IMMP2L: variants seen among roughly 807,000 people sequenced by gnomAD.
IMMP2L encodes inner mitochondrial membrane peptidase subunit 2.
Under a neutral mutation model 19.3 loss-of-function variants are expected in IMMP2L, and 18 were observed. That is an observed-to-expected ratio of 0.93 (90% confidence interval 0.64 to 1.38). The LOEUF is 1.38. IMMP2L is among the 40% of genes most tolerant of loss of function. The probability of loss-of-function intolerance (pLI) is 0.00; values close to 1 mark genes in which losing one functional copy is unlikely to be tolerated. For missense variants in IMMP2L, 233 were observed against 218.2 expected, an observed-to-expected ratio of 1.07 and a Z score of -0.43; for synonymous variants, 76 against 73.0, an observed-to-expected ratio of 1.04 and a Z score of -0.21.
chr7:111,229,300 G>A (rs1813463361), intron 3 of IMMP2L, among the ~76,000 whole-genome samples: 1 of 151,706 alleles, frequency 6.6e-6, no homozygotes, highest in Admixed American at 6.6e-5. Context: ...AATGTATCCT[G>A]ACCATGAAAC....
At chr7:110,981,603 G>C (rs1450644616) in intron 3 of IMMP2L, among the ~76,000 whole-genome samples, 2 of 151,338 alleles carry the variant, frequency 1.3e-5, no homozygotes, top group African/African-American at 4.8e-5. Flanking sequence ...AGTAGTGTTT[G>C]AGAGTTGAAG....
chr7:111,354,250 C>T (rs372066910), intron 3 of IMMP2L, among the ~76,000 whole-genome samples: 1 of 151,816 alleles, frequency 6.6e-6, no homozygotes, highest in East Asian at 1.9e-4. Flanking sequence ...GAATGTAAGA[C>T]AGGTAAATTT....
intron 3 of IMMP2L, chr7:111,122,992 C>G (rs746291660): frequency 6.2e-7 from 1 of 1,613,964 alleles, no homozygotes; most frequent in Non-Finnish European, 8.5e-7. Context: ...CACACAGATT[C>G]TTCTCCTACA....
chr7:111,415,109 C>G (rs187370022), intron 3 of IMMP2L, among the ~76,000 whole-genome samples: 1 of 151,948 alleles, frequency 6.6e-6, no homozygotes, highest in Non-Finnish European at 1.5e-5. Flanking sequence ...AGTGGGTCCT[C>G]CTTGAAGGAT....
chr7:110,744,192 C>G (rs1797174125), intron 5 of IMMP2L, among the ~76,000 whole-genome samples: 1 of 152,108 alleles, frequency 6.6e-6, no homozygotes, highest in Non-Finnish European at 1.5e-5. Context: ...GCTGCTGCAG[C>G]CAGACTGTCT....
chr7:110,754,858 G>A (rs1047162322), intron 5 of IMMP2L, among the ~76,000 whole-genome samples: 5 of 151,710 alleles, frequency 3.3e-5, no homozygotes, highest in East Asian at 3.9e-4. Flanking sequence ...TGCTCTTAAC[G>A]TGGCCCTCGG....
intron 3 of IMMP2L, among the ~76,000 whole-genome samples, chr7:111,292,847 T>C (rs2129729590): frequency 6.6e-6 from 1 of 152,168 alleles, no homozygotes; most frequent in South Asian, 2.1e-4. Flanking sequence ...CATAATACTA[T>C]ATATATTCAT....
chr7:111,380,923 C>G (rs549062624), intron 3 of IMMP2L, among the ~76,000 whole-genome samples: 2 of 151,334 alleles, frequency 1.3e-5, no homozygotes, highest in African/African-American at 4.9e-5. Context: ...TGAGTTGATT[C>G]TAAGTGAAAA....
chr7:111,305,587 G>A (rs578219801), intron 3 of IMMP2L, among the ~76,000 whole-genome samples: 5 of 152,000 alleles, frequency 3.3e-5, no homozygotes, highest in Non-Finnish European at 5.9e-5. Context: ...TGATTCTCCC[G>A]CCTCAGCCTC....
Position 110,803,436 on chromosome 7 carries a change from C to T in IMMP2L, c.408+83157G>A, listed in dbSNP as rs1343235206. On this transcript the variant is annotated intron_variant, in intron 5 of 5. Transcript: ENST00000405709. This position sits in a 1 kb window ranked among gnomAD's most constrained non-coding sequence, Gnocchi z 4.2. ...TATGGGGTCTCTGGAAAGGCAGACT[C>T]TGAAACAGAATTTAGTGTTTAAGAT... 1.3e-5 allele frequency among the ~76,000 whole-genome samples: 2 copies of T among 151,992 alleles called. No homozygotes were observed. Among genetic ancestry groups the T allele is most frequent in the Non-Finnish European group, 2.9e-5 (2 of 67,988 alleles).
At chr7:111,559,537 C>T (rs921773269) in intron 1 of IMMP2L, among the ~76,000 whole-genome samples, 3 of 152,132 alleles carry the variant, frequency 2.0e-5, no homozygotes, top group African/African-American at 7.2e-5. Flanking sequence ...GATAAGGCCA[C>T]ATCAGGTGTC....
At chr7:111,264,042 A>T (rs1444688271) in intron 3 of IMMP2L, among the ~76,000 whole-genome samples, 1 of 152,154 alleles carries the variant, frequency 6.6e-6, no homozygotes, top group Non-Finnish European at 1.5e-5. Flanking sequence ...GATAGGCTGC[A>T]GATGGACTTA....
chr7:111,026,986 C>T (rs1480567597), intron 3 of IMMP2L, among the ~76,000 whole-genome samples: 1 of 152,092 alleles, frequency 6.6e-6, no homozygotes, highest in Admixed American at 6.5e-5. Flanking sequence ...TTGCTTTTAT[C>T]TCTCTGGATA....
rs368821724 is a variant in IMMP2L, at chr7:111,372,348, T to C, written c.239+114890A>G. Among the ~76,000 whole-genome samples, 35 of 152,174 alleles carry C rather than the reference T, an allele frequency of 2.3e-4. No individual in the cohort carries two copies. The South Asian group carries it at 6.8e-3, about 30-fold the overall frequency. Reference sequence around the variant, plus strand: ...CTTTGGAATAATACTTCCTTTAAGCTGAATACTTCTATAAAATACTGGAGC... The same window carrying C: ...CTTTGGAATAATACTTCCTTTAAGCCGAATACTTCTATAAAATACTGGAGC... On this transcript the variant is annotated intron_variant, in intron 3 of 5. Coordinates refer to ENST00000405709, the MANE Select transcript of IMMP2L (RefSeq NM_032549.4).
chr7:110,828,499 C>T (rs1803694781), intron 5 of IMMP2L, among the ~76,000 whole-genome samples: 1 of 152,124 alleles, frequency 6.6e-6, no homozygotes, highest in African/African-American at 2.4e-5. Context: ...CAATAATGGC[C>T]CTCCTTAAAT....
intron 5 of IMMP2L, among the ~76,000 whole-genome samples, chr7:110,827,882 C>T (rs1253406470): frequency 6.6e-6 from 1 of 152,000 alleles, no homozygotes; most frequent in Non-Finnish European, 1.5e-5. Context: ...ATAAGAAACA[C>T]CTCTGGAAAA....
At chr7:111,560,422 TG>T (rs1230870360) in intron 1 of IMMP2L, among the ~76,000 whole-genome samples, 5 of 152,174 alleles carry the variant, frequency 3.3e-5, no homozygotes, top group African/African-American at 1.2e-4. Flanking sequence ...GTCCTTCTTA[TG>T]GAACAACTAC....
At chr7:110,873,395 A>T (rs1257424317) in intron 5 of IMMP2L, among the ~76,000 whole-genome samples, 1 of 137,150 alleles carries the variant, frequency 7.3e-6, no homozygotes, top group Non-Finnish European at 1.5e-5. Context: ...GCCACACTGC[A>T]CTCAAGCCTG....
At chr7:111,542,722 TAAA>T (rs1848601315) in intron 1 of IMMP2L, among the ~76,000 whole-genome samples, 1 of 152,144 alleles carries the variant, frequency 6.6e-6, no homozygotes, top group African/African-American at 2.4e-5. Flanking sequence ...ATGTAAAAGG[TAAA>T]TGTTCAAGTC....
Sources: gnomAD v4.1 joint callset for allele counts (sites outside exome capture counted in the v4.1 genomes callset) on GRCh38, gnomAD v4.1.1 for gene constraint, Gnocchi (gnomAD v3.1) non-coding constraint, MANE v1.5 for transcripts, NCBI Gene and HGNC (gene_info 2026-07-23, HGNC 2026-07-21) for gene names.